Variants in SEC62 observed in about 807,000 individuals in gnomAD.
SEC62 encodes translocation protein SEC62.
A neutral mutation model predicts 47.5 loss-of-function variants in SEC62; 10 were observed. The ratio of observed to expected loss-of-function variants is 0.21; its 90% CI spans 0.13 to 0.36. SEC62 has a LOEUF of 0.36. SEC62 is among the 10% of genes least tolerant of loss of function. The probability of loss-of-function intolerance (pLI) is 1.00; values close to 1 mark genes in which losing one functional copy is unlikely to be tolerated. For synonymous variants in SEC62, 136 were observed against 150.5 expected (o/e 0.90, Z 0.71); for missense variants, 327 against 464.1 (o/e 0.70, Z 2.71).
chr3:169,969,465 G>A (rs1021265479), intron 1 of SEC62: 21 of 406,398 alleles, frequency 5.2e-5, no homozygotes, highest in African/African-American at 1.0e-4. Context: ...TACAATCCTG[G>A]TATCAAGAAA....
rs1368832675 is a variant in SEC62, at chr3:169,997,348, ATAAGT to A, written c.*4289_*4293del. The A allele has an allele frequency of 2.0e-5, 3 of 152,242 alleles. No individual in the cohort carries two copies. Among genetic ancestry groups the A allele is most frequent in the Non-Finnish European group, 4.4e-5 (3 of 68,042 alleles). The allele number at this position is 152,242 out of a possible 1,614,324, so 9.4% of individuals were successfully genotyped here. A position where few individuals can be genotyped will look rare whatever the true frequency, so the allele number is the denominator to read the frequency against. ...CTTAGCATGACAGAAAGAGGGAAAG[ATAAGT>A]TAAATTTCAAGGGGGTCATATCATC... On this transcript the variant is annotated 3_prime_UTR_variant, in exon 8 of 8. Coordinates refer to ENST00000337002, the MANE Select transcript of SEC62 (RefSeq NM_003262.4).
At chr3:169,968,077 C>A (rs975222790) in intron 1 of SEC62, among the ~76,000 whole-genome samples, 4 of 152,068 alleles carry the variant, frequency 2.6e-5, no homozygotes, top group African/African-American at 9.7e-5. Context: ...AGGCAGATTT[C>A]GAGTTCAGAC....
At chr3:169,967,096 G>T (rs908695557) in intron 1 of SEC62, among the ~76,000 whole-genome samples, 1 of 152,174 alleles carries the variant, frequency 6.6e-6, no homozygotes, top group African/African-American at 2.4e-5. Context: ...AAGGAAGGAG[G>T]CGCCGCGCTC....
At chr3:169,972,720 A>G (rs1184321603) in intron 1 of SEC62, among the ~76,000 whole-genome samples, 1 of 151,042 alleles carries the variant, frequency 6.6e-6, no homozygotes, top group East Asian at 1.9e-4. Context: ...GAGCCACCCA[A>G]CCCATCCTAC....
In SEC62 at chr3:169,995,381, G is replaced by A. The variant is rs1559969370; in HGVS notation, c.*2318G>A. On this transcript the variant is annotated 3_prime_UTR_variant, in exon 8 of 8. Transcript: ENST00000337002. ...TTCTTAAAGTCAATGTATTAAATAA[G>A]GTATTTTTCCTTTTCCCTCTTACTG... The A allele has an allele frequency of 6.6e-6, 1 of 151,954 alleles. No individual in the cohort carries two copies. Among genetic ancestry groups the A allele is most frequent in the African/African-American group, 2.4e-5 (1 of 41,382 alleles). 9.4% of individuals were successfully genotyped at this position (151,954 alleles called of 1,614,324 possible).
chr3:169,975,759 T>C (rs749659067), intron 2 of SEC62, 43 bp downstream of exon 2: 37 of 1,348,300 alleles, frequency 2.7e-5, no homozygotes, highest in Non-Finnish European at 3.7e-5. Context: ...ACATATGTTA[T>C]GAAGTTAACC....
rs775450336 is a variant in SEC62, at chr3:169,976,910, G to A, written c.146-36G>A. 1.1e-5 allele frequency: 16 copies of A among 1,407,886 alleles called. No individual in the cohort carries two copies. In the South Asian group the frequency reaches 1.6e-4, roughly 14 times the overall value. 87.2% of individuals were successfully genotyped at this position (1,407,886 alleles called of 1,614,324 possible). ...TATTTAGATAGACATAAATCCCCAT[G>A]TATGCTAAATTTAAAATAATGAATT... On this transcript the variant is annotated intron_variant, in intron 2 of 7. Coordinates refer to ENST00000337002, the MANE Select transcript of SEC62 (RefSeq NM_003262.4).
chr3:169,967,190 C>G (rs1576853073), intron 1 of SEC62, among the ~76,000 whole-genome samples: 1 of 152,172 alleles, frequency 6.6e-6, no homozygotes, highest in African/African-American at 2.4e-5. Flanking sequence ...GGTCAGCCTC[C>G]CCTGGGGCGC....
chr3:169,973,781 A>C (rs1714763891), intron 1 of SEC62, among the ~76,000 whole-genome samples: 1 of 152,078 alleles, frequency 6.6e-6, no homozygotes, highest in Non-Finnish European at 1.5e-5. Context: ...TGGGCTCTTA[A>C]TTTTTATTGC....
chr3:169,966,917 G>A lies in SEC62; in HGVS notation c.36+59G>A, dbSNP rs562161990. 1.5e-5 allele frequency: 21 copies of A among 1,377,832 alleles called. No homozygotes were observed. The South Asian group carries it at 2.0e-4, about 13-fold the overall frequency. 85.4% of individuals were successfully genotyped at this position (1,377,832 alleles called of 1,614,324 possible). ...GCGCGCTGGATAGTGGAAGGGGCGG[G>A]GAAAGCCCCCTAAAAGGGCGAGCGA... On this transcript the variant is annotated intron_variant, in intron 1 of 7. Coordinates refer to ENST00000337002, the MANE Select transcript of SEC62 (RefSeq NM_003262.4).
chr3:169,982,579 C>A, intron 3 of SEC62, 128 bp from the exon 4 acceptor site: 2 of 1,069,918 alleles, frequency 1.9e-6, no homozygotes, highest in Non-Finnish European at 2.8e-6. Flanking sequence ...CACGGGCATA[C>A]TAGTTGTAAT....
chr3:169,966,817 G>C lies in SEC62; in HGVS notation c.-6G>C. The C allele has an allele frequency of 1.3e-6, 2 of 1,553,618 alleles. No homozygotes were observed. Among genetic ancestry groups the C allele is most frequent in the Non-Finnish European group, 1.7e-6 (2 of 1,148,190 alleles). ...ACGTCAGAGGGAACCGGGCGGAGCG[G>C]CCAACATGGCGGAACGCAGGAGACA... On this transcript the variant is annotated 5_prime_UTR_variant, in exon 1 of 8. Transcript: ENST00000337002.
At chr3:169,967,344 G>A (rs1201207040) in intron 1 of SEC62, among the ~76,000 whole-genome samples, 1 of 152,184 alleles carries the variant, frequency 6.6e-6, no homozygotes, top group Non-Finnish European at 1.5e-5. Context: ...CGCATAGACC[G>A]TAAGGGGGAA....
chr3:169,997,100 A>C lies in SEC62; in HGVS notation c.*4037A>C, dbSNP rs1715395271. The C allele has an allele frequency of 6.6e-6, 1 of 152,240 alleles. No individual in the cohort carries two copies. Among genetic ancestry groups the C allele is most frequent in the South Asian group, 2.1e-4 (1 of 4,832 alleles). The allele number at this position is 152,240 out of a possible 1,614,324, so 9.4% of individuals were successfully genotyped here. ...ATAACTACACAAGGAGATTAATTTA[A>C]ATTTGCCTTCTTTGGCAAGCCCTTA... is the stretch of plus-strand genomic sequence containing the variant. On this transcript the variant is annotated 3_prime_UTR_variant, in exon 8 of 8. Transcript: ENST00000337002.
rs1715372857 is a variant in SEC62 at position 169,996,237 on chromosome 3, G to A, written c.*3174G>A. 1.3e-5 allele frequency: 2 copies of A among 152,544 alleles called. No homozygotes were observed. The highest frequency in any genetic ancestry group is 2.1e-4 in the South Asian group (1 of 4,828). The allele number at this position is 152,544 out of a possible 1,614,324, so 9.4% of individuals were successfully genotyped here. Reference sequence around the variant, plus strand: ...TAAAGCTGTGACATTTATCTACCTGGTTTATGGAATAGAATTTATTGCTGA... The same window carrying A: ...TAAAGCTGTGACATTTATCTACCTGATTTATGGAATAGAATTTATTGCTGA... On this transcript the variant is annotated 3_prime_UTR_variant, in exon 8 of 8. Transcript: ENST00000337002.
At chr3:169,984,514 A>G (rs559187696) in intron 5 of SEC62, among the ~76,000 whole-genome samples, 11 of 152,334 alleles carry the variant, frequency 7.2e-5, no homozygotes, top group Non-Finnish European at 1.2e-4. Context: ...CGTGCCAGGA[A>G]GGAGGTTAGG....
chr3:169,996,156 A>G lies in SEC62; in HGVS notation c.*3093A>G, dbSNP rs114987216. 1.1e-3 allele frequency: 172 copies of G among 152,440 alleles called. 1 individual carries two copies. Among genetic ancestry groups the G allele is most frequent in the African/African-American group, 4.1e-3 (171 of 41,574 alleles). The allele number at this position is 152,440 out of a possible 1,614,324, so 9.4% of individuals were successfully genotyped here. ...GTACCACAAAATTTTAGGTTAGGCA[A>G]ATTCACAAATACGGAATCCATGAAT... On this transcript the variant is annotated 3_prime_UTR_variant, in exon 8 of 8. Transcript: ENST00000337002.
At position 169,996,596 on chromosome 3, in the gene SEC62, C is replaced by T. The variant is rs1271256483; in HGVS notation, c.*3533C>T. 1 of 152,346 alleles carries T rather than the reference C, an allele frequency of 6.6e-6. No homozygotes were observed. Among genetic ancestry groups the T allele is most frequent in the Non-Finnish European group, 1.5e-5 (1 of 68,102 alleles). 9.4% of individuals were successfully genotyped at this position (152,346 alleles called of 1,614,324 possible). A position where few individuals can be genotyped will look rare whatever the true frequency, so the allele number is the denominator to read the frequency against. On this transcript the variant is annotated 3_prime_UTR_variant, in exon 8 of 8. Transcript: ENST00000337002. ...CCACAGCAGTGGGCTCCTATGCCTC[C>T]TGGCTTCTGAGTGGGTTTGGCCAAG... is the stretch of plus-strand genomic sequence containing the variant.
In SEC62 at chr3:169,996,958, G is replaced by A. The variant is rs1715392295; in HGVS notation, c.*3895G>A. On this transcript the variant is annotated 3_prime_UTR_variant, in exon 8 of 8. Coordinates refer to ENST00000337002, the MANE Select transcript of SEC62 (RefSeq NM_003262.4). ...CCTAGGGAACAAAAATTCCAATGAG[G>A]AATTGACCTCTTTGTCAGATCCTTA... 1 of 152,178 alleles carries A rather than the reference G, an allele frequency of 6.6e-6. No individual in the cohort carries two copies. Among genetic ancestry groups the A allele is most frequent in the South Asian group, 2.1e-4 (1 of 4,824 alleles). 9.4% of individuals were successfully genotyped at this position (152,178 alleles called of 1,614,324 possible).
Sources: gnomAD v4.1 joint callset for allele counts (sites outside exome capture counted in the v4.1 genomes callset) on GRCh38, gnomAD v4.1.1 for gene constraint, MANE v1.5 for transcripts, NCBI Gene and HGNC (gene_info 2026-07-23, HGNC 2026-07-21) for gene names.